Variants in RYR3 observed in about 807,000 individuals in gnomAD.
The protein encoded by RYR3 is ryanodine receptor 3.
A neutral mutation model predicts 584.3 loss-of-function variants in RYR3; 207 were observed. The observed-to-expected ratio is 0.35, with a 90% CI of 0.32 to 0.40. The LOEUF (loss-of-function observed/expected upper bound fraction) is 0.40. Ranked by LOEUF, RYR3 falls within the 10% of genes least tolerant of loss-of-function variation. The pLI, the probability that RYR3 is intolerant of heterozygous loss-of-function variation, is 1.00. For synonymous variants in RYR3, 2,416 were observed against 2,248.5 expected (o/e 1.07, Z -2.11); for missense variants, 5,616 against 6,089.2 (o/e 0.92, Z 2.59).
chr15:33,825,743 TTTTC>T (rs374681028), intron 82 of RYR3, 67 bp downstream of exon 82: 19,562 of 517,138 alleles, frequency 0.038, 136 homozygotes, highest in East Asian at 0.14. Context: ...TTTTTTTTTT[TTTTC>T]CCCATACAGA....
At chr15:33,449,763 G>A (rs547533630) in intron 1 of RYR3, among the ~76,000 whole-genome samples, 4 of 152,204 alleles carry the variant, frequency 2.6e-5, no homozygotes, top group Admixed American at 2.6e-4. Flanking sequence ...AGGTGTATAG[G>A]GTAGGTCAGT....
intron 86 of RYR3, among the ~76,000 whole-genome samples, chr15:33,833,427 C>A (rs1355273338): frequency 6.6e-6 from 1 of 152,084 alleles, no homozygotes; most frequent in Non-Finnish European, 1.5e-5. Flanking sequence ...AAAAGAAACA[C>A]AAAACTAAGA....
intron 38 of RYR3, among the ~76,000 whole-genome samples, chr15:33,675,661 C>T (rs970709142): frequency 6.6e-6 from 1 of 152,150 alleles, no homozygotes; most frequent in African/African-American, 2.4e-5. Flanking sequence ...TACATACTTA[C>T]CTCATTGGGT....
intron 1 of RYR3, among the ~76,000 whole-genome samples, chr15:33,312,268 T>C (rs1416577871): frequency 6.6e-6 from 1 of 152,180 alleles, no homozygotes; most frequent in Non-Finnish European, 1.5e-5. Context: ...ACTTACCTCT[T>C]GTCCATCTTT....
At chr15:33,810,403 G>C in intron 70 of RYR3, 76 bp from the exon 71 acceptor site, 2 of 1,473,936 alleles carry the variant, frequency 1.4e-6, no homozygotes, top group Non-Finnish European at 1.9e-6. Context: ...AAGGAGGCAG[G>C]CTGCCTCTGA....
At chr15:33,821,207 A>G (rs1387623243) in intron 78 of RYR3, 63 bp from the exon 79 acceptor site, 5 of 1,324,604 alleles carry the variant, frequency 3.8e-6, no homozygotes, top group East Asian at 2.5e-5. Context: ...TCACCTCACT[A>G]TGGGTGAACT....
At chr15:33,836,225 T>C (rs1341007541) in intron 87 of RYR3, among the ~76,000 whole-genome samples, 1 of 150,522 alleles carries the variant, frequency 6.6e-6, no homozygotes, top group Non-Finnish European at 1.5e-5. Context: ...AAAAGGTATG[T>C]GACTCGGAAT....
At chr15:33,854,590 T>TA in intron 97 of RYR3, 141 bp downstream of exon 97, 1 of 1,043,404 alleles carries the variant, frequency 9.6e-7, no homozygotes, top group South Asian at 1.6e-5. Context: ...GGGGAACACT[T>TA]ATACAATGGT....
intron 5 of RYR3, among the ~76,000 whole-genome samples, chr15:33,538,873 A>C (rs1166162383): frequency 6.6e-6 from 1 of 152,024 alleles, no homozygotes; most frequent in East Asian, 1.9e-4. Context: ...TCAATTTCTC[A>C]CTTATTGTCT....
chr15:33,335,860 T>C (rs2140737040), intron 1 of RYR3, among the ~76,000 whole-genome samples: 1 of 152,232 alleles, frequency 6.6e-6, no homozygotes, highest in South Asian at 2.1e-4. Flanking sequence ...TTTTAAAGGC[T>C]GGTACTAGAA....
intron 16 of RYR3, among the ~76,000 whole-genome samples, chr15:33,589,594 T>A (rs35493316): frequency 0.087 from 13,258 of 152,270 alleles, 694 homozygotes; most frequent in Middle Eastern, 0.21. Context: ...TAGTTTCAGG[T>A]CTTACACTTA....
At chr15:33,565,945 A>C (rs1347247054) in intron 11 of RYR3, among the ~76,000 whole-genome samples, 1 of 152,212 alleles carries the variant, frequency 6.6e-6, no homozygotes, top group African/African-American at 2.4e-5. Flanking sequence ...AGCACCTATT[A>C]GATTCTAGGT....
At chr15:33,694,486 C>T (rs1447206518) in intron 38 of RYR3, among the ~76,000 whole-genome samples, 1 of 152,102 alleles carries the variant, frequency 6.6e-6, no homozygotes, top group East Asian at 1.9e-4. Flanking sequence ...CCTCGTGATC[C>T]ACCCACCTCG....
At chr15:33,463,176 A>AT (rs67064422) in intron 1 of RYR3, among the ~76,000 whole-genome samples, 12 of 150,898 alleles carry the variant, frequency 8.0e-5, no homozygotes, top group Non-Finnish European at 1.5e-4. Flanking sequence ...AAAAAAAAAA[A>AT]TTTTTTTTCA....
chr15:33,611,896 C>T (rs975254544), intron 18 of RYR3, among the ~76,000 whole-genome samples: 5 of 152,064 alleles, frequency 3.3e-5, no homozygotes, highest in South Asian at 4.2e-4. Flanking sequence ...TGAGCTCAAG[C>T]GATCTGCCTG....
intron 94 of RYR3, 39 bp from the exon 95 acceptor site, chr15:33,853,006 T>G: frequency 6.4e-7 from 1 of 1,569,404 alleles, no homozygotes; most frequent in Non-Finnish European, 8.7e-7. Flanking sequence ...TCCTTGATGT[T>G]AAGAATGAAG....
chr15:33,592,356 G>A (rs1355321267), intron 16 of RYR3, among the ~76,000 whole-genome samples: 1 of 152,176 alleles, frequency 6.6e-6, no homozygotes, highest in Non-Finnish European at 1.5e-5. Context: ...TGGGACTTGG[G>A]GCTAAGCATC....
chr15:33,730,828 T>C (rs2068884015), intron 47 of RYR3, among the ~76,000 whole-genome samples: 1 of 152,192 alleles, frequency 6.6e-6, no homozygotes, highest in Admixed American at 6.5e-5. Flanking sequence ...GTACAGAAGG[T>C]CCCAAGTTTC....
intron 43 of RYR3, 90 bp from the exon 44 acceptor site, chr15:33,722,625 C>CA: frequency 7.6e-7 from 1 of 1,309,686 alleles, no homozygotes; most frequent in South Asian, 1.2e-5. Context: ...ATAAGCTGAA[C>CA]AAAATACTGT....
Sources: allele counts gnomAD v4.1 joint callset (sites outside exome capture counted in the v4.1 genomes callset), GRCh38; gene constraint gnomAD v4.1.1; transcripts MANE v1.5; gene names NCBI Gene and HGNC (gene_info 2026-07-23, HGNC 2026-07-21).